Variants in GMEB2 observed in about 807,000 individuals in gnomAD.
GMEB2 encodes glucocorticoid modulatory element-binding protein 2.
A neutral mutation model predicts 45.7 loss-of-function variants in GMEB2; 7 were observed. The observed-to-expected ratio is 0.15, with a 90% CI of 0.09 to 0.29. GMEB2 has a LOEUF of 0.29. Ranked by LOEUF, GMEB2 falls within the 10% of genes least tolerant of loss-of-function variation. The pLI is 1.00. For missense variants in GMEB2, 582 were observed against 739.2 expected, an observed-to-expected ratio of 0.79 and a Z score of 2.47; for synonymous variants, 322 against 323.6, an observed-to-expected ratio of 1.00 and a Z score of 0.05.
rs568462007 is a variant in GMEB2, at chr20:63,589,545, C to T, written c.*544G>A. The T allele has an allele frequency of 4.8e-4, 105 of 217,216 alleles. No individual in the cohort carries two copies. The highest frequency in any genetic ancestry group is 1.4e-3 in the Middle Eastern group (1 of 718). 13.5% of individuals were successfully genotyped at this position (217,216 alleles called of 1,614,324 possible). On this transcript the variant is annotated 3_prime_UTR_variant, in exon 10 of 10. Coordinates refer to ENST00000370077, the MANE Select transcript of GMEB2 (RefSeq NM_012384.5). ...TGTTCCCAACTGGAGGAGAACGGGG[C>T]GCCAGCCACACTAAACCTACAGAAA... is the stretch of plus-strand genomic sequence containing the variant.
At chr20:63,615,220 G>T (rs919009470) in intron 2 of GMEB2, among the ~76,000 whole-genome samples, 16 of 152,178 alleles carry the variant, frequency 1.1e-4, no homozygotes, top group Non-Finnish European at 2.2e-4. Context: ...ACGAAAAAGA[G>T]ACTTTTCTGA....
intron 2 of GMEB2, among the ~76,000 whole-genome samples, chr20:63,607,471 T>A (rs151065293): frequency 5.3e-4 from 3 of 5,610 alleles, no homozygotes; most frequent in Non-Finnish European, 1.3e-3. Flanking sequence ...CCCTGTGACC[T>A]CACCTCCATT....
intron 2 of GMEB2, among the ~76,000 whole-genome samples, chr20:63,606,446 C>T (rs1285755411): frequency 6.7e-6 from 1 of 150,294 alleles, no homozygotes; most frequent in Non-Finnish European, 1.5e-5. Context: ...CTTCCGGGTT[C>T]ACACCATTCT....
At chr20:63,591,339 CACACACACACTGA>C (rs1011269385) in intron 9 of GMEB2, among the ~76,000 whole-genome samples, 121 of 120,944 alleles carry the variant, frequency 1.0e-3, no homozygotes, top group Non-Finnish European at 1.2e-3. Context: ...ACGCAGTGAA[CACACACACACTGA>C]ACACACACAC....
Position 63,592,247 on chromosome 20 carries a change from C to T in GMEB2, c.830-103G>A, listed in dbSNP as rs902471953. 2.3e-5 allele frequency: 26 copies of T among 1,123,642 alleles called. No homozygotes were observed. The highest frequency in any genetic ancestry group is 2.9e-5 in the Non-Finnish European group (23 of 782,594). 69.6% of individuals were successfully genotyped at this position (1,123,642 alleles called of 1,614,324 possible). A position where few individuals can be genotyped will look rare whatever the true frequency, so the allele number is the denominator to read the frequency against. On this transcript the variant is annotated intron_variant, in intron 8 of 9. Coordinates refer to ENST00000370077, the MANE Select transcript of GMEB2 (RefSeq NM_012384.5). This position sits in a 1 kb window ranked among gnomAD's most constrained non-coding sequence, Gnocchi z 8.2. ...GGACCTTCCTAGAGAGTCACGTGGACGCTCGGTGAGAGCCTGGGCTCTTCC... is the reference window on the plus strand; with the variant it reads ...GGACCTTCCTAGAGAGTCACGTGGATGCTCGGTGAGAGCCTGGGCTCTTCC...
intron 6 of GMEB2, among the ~76,000 whole-genome samples, chr20:63,594,289 C>T (rs2083175675): frequency 6.6e-6 from 1 of 152,240 alleles, no homozygotes; most frequent in African/African-American, 2.4e-5. Context: ...CTGTGAGGCA[C>T]TGACTACAGG....
chr20:63,589,069 G>GC lies in GMEB2; in HGVS notation c.*1019dup, dbSNP rs2146037320. 2 of 399,166 alleles carry GC rather than the reference G, an allele frequency of 5.0e-6. No individual in the cohort carries two copies. Among genetic ancestry groups the GC allele is most frequent in the South Asian group, 2.5e-4 (2 of 7,862 alleles). The allele number at this position is 399,166 out of a possible 1,614,324, so 24.7% of individuals were successfully genotyped here. On this transcript the variant is annotated 3_prime_UTR_variant, in exon 10 of 10. Coordinates refer to ENST00000370077, the MANE Select transcript of GMEB2 (RefSeq NM_012384.5). ...CTGCATGGGGGCCGGGGGCCAGGGA[G>GC]CCAAGGGCTGTTCCGTGGCCAAGCA... is the stretch of plus-strand genomic sequence containing the variant.
chr20:63,599,621 G>C (rs432717), intron 4 of GMEB2, among the ~76,000 whole-genome samples: 1 of 152,006 alleles, frequency 6.6e-6, no homozygotes, highest in Non-Finnish European at 1.5e-5. Flanking sequence ...TGAGCGATCC[G>C]TCTCTCCTCC....
intron 1 of GMEB2, among the ~76,000 whole-genome samples, chr20:63,620,318 G>C (rs972340839): frequency 2.4e-4 from 37 of 152,170 alleles, no homozygotes; most frequent in Non-Finnish European, 1.3e-4. Flanking sequence ...GGAGACAGGG[G>C]AATCTTCCTC....
intron 5 of GMEB2, among the ~76,000 whole-genome samples, chr20:63,596,956 G>A (rs558417032): frequency 7.9e-5 from 12 of 151,950 alleles, no homozygotes; most frequent in Admixed American, 3.3e-4. Flanking sequence ...GGCAGAGTTC[G>A]CAGTGAGCCA....
At chr20:63,625,320 C>A (rs1461725330) in intron 1 of GMEB2, among the ~76,000 whole-genome samples, 1 of 151,626 alleles carries the variant, frequency 6.6e-6, no homozygotes, top group Non-Finnish European at 1.5e-5. Context: ...GGACTACAGG[C>A]ACCCAACACG....
At chr20:63,599,563 G>T (rs1226883476) in intron 4 of GMEB2, among the ~76,000 whole-genome samples, 2 of 152,224 alleles carry the variant, frequency 1.3e-5, no homozygotes, top group African/African-American at 4.8e-5. Flanking sequence ...TGCCACCTCT[G>T]CTCCTGCGCT....
chr20:63,590,896 G>C (rs1431694304), intron 9 of GMEB2, among the ~76,000 whole-genome samples, 167 bp from the exon 10 acceptor site: 1 of 152,182 alleles, frequency 6.6e-6, no homozygotes, highest in African/African-American at 2.4e-5. Flanking sequence ...GCCGCCAAAG[G>C]TGAGGTCTGT....
At chr20:63,599,823 T>G (rs1161616769) in intron 4 of GMEB2, among the ~76,000 whole-genome samples, 1 of 152,180 alleles carries the variant, frequency 6.6e-6, no homozygotes, top group Non-Finnish European at 1.5e-5. Context: ...GTCTGCCCCC[T>G]TGCCCCCGCC....
At chr20:63,618,769 G>C (rs939905185) in intron 2 of GMEB2, among the ~76,000 whole-genome samples, 16 of 152,324 alleles carry the variant, frequency 1.1e-4, no homozygotes, top group African/African-American at 3.4e-4. Flanking sequence ...CCGGCTCACA[G>C]CAGGAGCAGC....
chr20:63,614,676 G>A (rs994850077), intron 2 of GMEB2, among the ~76,000 whole-genome samples: 14 of 152,204 alleles, frequency 9.2e-5, no homozygotes, highest in Non-Finnish European at 1.8e-4. Context: ...CCGCCTTCAT[G>A]TTCCATCCTG....
At position 63,610,196 on chromosome 20, in the gene GMEB2, C is replaced by T. The variant is rs114659213; in HGVS notation, c.132-5356G>A. On this transcript the variant is annotated intron_variant, in intron 2 of 9. Transcript: ENST00000370077. The stretch of plus-strand genomic sequence containing the variant: ...ATAACAGCCAACTGTATGATGTGTG[C>T]ACTTCTAAACTTCCAGAAGTTTGCT... 9.8e-3 allele frequency among the ~76,000 whole-genome samples: 1,492 copies of T among 152,314 alleles called. 26 individuals are homozygous for T. Among genetic ancestry groups the T allele is most frequent in the African/African-American group, 0.034 (1,425 of 41,558 alleles).
At chr20:63,604,619 C>T (rs1262876666) in intron 3 of GMEB2, 124 bp downstream of exon 3, 5 of 684,008 alleles carry the variant, frequency 7.3e-6, no homozygotes, top group Non-Finnish European at 1.3e-5. Context: ...TAAGGGCACA[C>T]AGCTTGGGAA....
At chr20:63,604,937 A>G (rs747288823) in intron 2 of GMEB2, 97 bp from the exon 3 acceptor site, 1 of 756,330 alleles carries the variant, frequency 1.3e-6, no homozygotes, top group East Asian at 2.5e-5. Flanking sequence ...GACCTGTTAC[A>G]CTCTTCTAAC....
Sources: allele counts gnomAD v4.1 joint callset (sites outside exome capture counted in the v4.1 genomes callset), GRCh38; gene constraint gnomAD v4.1.1; non-coding constraint Gnocchi (gnomAD v3.1); transcripts MANE v1.5; gene names NCBI Gene and HGNC (gene_info 2026-07-23, HGNC 2026-07-21).